Variants in PXDNL observed in about 807,000 individuals in gnomAD.
PXDNL encodes probable oxidoreductase PXDNL.
A neutral mutation model predicts 150.8 loss-of-function variants in PXDNL; 145 were observed. That is an observed-to-expected ratio of 0.96 (90% CI 0.84 to 1.10). PXDNL has a LOEUF of 1.10. Among genes scored for constraint, PXDNL ranks in the 50% least tolerant of loss-of-function variants. PXDNL has a pLI of 0.00. For synonymous variants in PXDNL, 757 were observed against 725.7 expected (o/e 1.04, Z -0.69); for missense variants, 2,087 against 1,873.9 (o/e 1.11, Z -2.10).
chr8:51,352,752 C>A (rs1312318054), intron 19 of PXDNL, among the ~76,000 whole-genome samples: 1 of 152,168 alleles, frequency 6.6e-6, no homozygotes, highest in East Asian at 1.9e-4. Flanking sequence ...TGGACTAATA[C>A]AATGGAATAA....
intron 4 of PXDNL, among the ~76,000 whole-genome samples, chr8:51,519,371 T>C (rs1333840353): frequency 6.6e-6 from 1 of 151,816 alleles, no homozygotes; most frequent in African/African-American, 2.4e-5. Context: ...TGAAACCCCA[T>C]CTCTACTAAA....
At position 51,729,567 on chromosome 8, in the gene PXDNL, G is replaced by A. The variant is rs531350649; in HGVS notation, c.165-74807C>T. On this transcript the variant is annotated intron_variant, in intron 1 of 22. Transcript: ENST00000356297. Reference sequence around the variant, plus strand: ...GCTGGTGGGAATGCAAAACAGTAGAGCCACTTTGGGAAAGTTTGGCAGTTT... The same window carrying A: ...GCTGGTGGGAATGCAAAACAGTAGAACCACTTTGGGAAAGTTTGGCAGTTT... Among the ~76,000 whole-genome samples the A allele has an allele frequency of 3.3e-5, 5 of 152,296 alleles. No homozygotes were observed. In the South Asian group the frequency reaches 8.3e-4, roughly 25 times the overall value.
At chr8:51,461,877 C>G (rs1176317875) in intron 8 of PXDNL, among the ~76,000 whole-genome samples, 6 of 152,164 alleles carry the variant, frequency 3.9e-5, no homozygotes, top group African/African-American at 1.4e-4. Context: ...TAAGAACAAG[C>G]TGAAATACAA....
chr8:51,351,304 T>C (rs1280831071), intron 19 of PXDNL, among the ~76,000 whole-genome samples: 1 of 152,140 alleles, frequency 6.6e-6, no homozygotes, highest in East Asian at 1.9e-4. Flanking sequence ...GAGACCACAC[T>C]GGAGTAGATG....
At chr8:51,527,220 TG>T (rs1811788026) in intron 4 of PXDNL, among the ~76,000 whole-genome samples, 1 of 152,218 alleles carries the variant, frequency 6.6e-6, no homozygotes, top group African/African-American at 2.4e-5. Flanking sequence ...CACAATGAGC[TG>T]GGACCTACCT....
At chr8:51,732,526 C>T (rs998487750) in intron 1 of PXDNL, among the ~76,000 whole-genome samples, 3 of 152,194 alleles carry the variant, frequency 2.0e-5, no homozygotes, top group South Asian at 2.1e-4. Flanking sequence ...GTTCCAAAGT[C>T]GCTTCCACAG....
At chr8:51,543,739 A>AGAAATAAT (rs1812280957) in intron 4 of PXDNL, among the ~76,000 whole-genome samples, 1 of 151,722 alleles carries the variant, frequency 6.6e-6, no homozygotes, top group Admixed American at 6.6e-5. Flanking sequence ...AAAGAAAGAA[A>AGAAATAAT]GAAATAATGA....
At chr8:51,788,958 T>C (rs541463176) in intron 1 of PXDNL, among the ~76,000 whole-genome samples, 1 of 141,382 alleles carries the variant, frequency 7.1e-6, no homozygotes, top group South Asian at 2.2e-4. Flanking sequence ...GTCCTGTGGA[T>C]ACAGAATTAA....
intron 1 of PXDNL, among the ~76,000 whole-genome samples, chr8:51,744,453 G>T (rs993067582): frequency 6.0e-5 from 9 of 150,508 alleles, no homozygotes; most frequent in Non-Finnish European, 1.2e-4. Context: ...AGATCACGAG[G>T]TCAGGAGATC....
chr8:51,438,425 C>G (rs1809458942), intron 12 of PXDNL, among the ~76,000 whole-genome samples: 1 of 152,126 alleles, frequency 6.6e-6, no homozygotes, highest in Non-Finnish European at 1.5e-5. Context: ...ACTATAAGGT[C>G]ATAGTCACCA....
intron 4 of PXDNL, among the ~76,000 whole-genome samples, chr8:51,546,674 G>A (rs950328968): frequency 2.6e-5 from 4 of 152,198 alleles, no homozygotes; most frequent in Admixed American, 6.5e-5. Flanking sequence ...AAGCTCCAGC[G>A]GATGGTGCAG....
At chr8:51,797,245 T>C (rs2037570670) in intron 1 of PXDNL, among the ~76,000 whole-genome samples, 1 of 152,102 alleles carries the variant, frequency 6.6e-6, no homozygotes, top group Non-Finnish European at 1.5e-5. Flanking sequence ...CTAGAAGCAT[T>C]CCCCTTGAAA....
chr8:51,331,359 G>A (rs1196548302), intron 21 of PXDNL, among the ~76,000 whole-genome samples: 3 of 152,162 alleles, frequency 2.0e-5, no homozygotes, highest in East Asian at 3.9e-4. Flanking sequence ...GCCCTTTCCT[G>A]CCTGACACTG....
At chr8:51,797,803 T>C (rs2037577296) in intron 1 of PXDNL, among the ~76,000 whole-genome samples, 1 of 152,102 alleles carries the variant, frequency 6.6e-6, no homozygotes, top group African/African-American at 2.4e-5. Flanking sequence ...CTGACATTCT[T>C]CACAGAGTTA....
At chr8:51,466,394 A>T (rs1810206276) in intron 8 of PXDNL, among the ~76,000 whole-genome samples, 1 of 152,142 alleles carries the variant, frequency 6.6e-6, no homozygotes, top group Admixed American at 6.6e-5. Flanking sequence ...TACAAAAATC[A>T]ACTCAGGATG....
At chr8:51,787,029 G>A (rs943793560) in intron 1 of PXDNL, among the ~76,000 whole-genome samples, 1 of 150,320 alleles carries the variant, frequency 6.7e-6, no homozygotes, top group Admixed American at 6.7e-5. Flanking sequence ...AACAAAGCCT[G>A]GATGACAGCA....
intron 17 of PXDNL, 41 bp downstream of exon 17, chr8:51,408,026 C>G (rs765687556): frequency 1.3e-6 from 2 of 1,530,654 alleles, no homozygotes; most frequent in African/African-American, 1.4e-5. Flanking sequence ...TTTTACCTCT[C>G]CTAAGAAATG....
At chr8:51,770,300 C>T (rs1055866443) in intron 1 of PXDNL, among the ~76,000 whole-genome samples, 1 of 152,240 alleles carries the variant, frequency 6.6e-6, no homozygotes, top group Non-Finnish European at 1.5e-5. Flanking sequence ...CAGAACCACA[C>T]ACACCATTCT....
intron 8 of PXDNL, among the ~76,000 whole-genome samples, chr8:51,466,675 A>T (rs1399012902): frequency 6.6e-6 from 1 of 152,174 alleles, no homozygotes; most frequent in Non-Finnish European, 1.5e-5. Flanking sequence ...CTGAATCTAC[A>T]AGGAACTTAA....
Sources: allele counts gnomAD v4.1 joint callset (sites outside exome capture counted in the v4.1 genomes callset), GRCh38; gene constraint gnomAD v4.1.1; transcripts MANE v1.5; gene names NCBI Gene and HGNC (gene_info 2026-07-23, HGNC 2026-07-21).